IGSF21: variants seen among roughly 807,000 people sequenced by gnomAD.
IGSF21 encodes immunoglobulin superfamily member 21.
In IGSF21, 28 loss-of-function variants were observed where a neutral mutation model predicts 46.8. The observed-to-expected ratio is 0.60, with a 90% CI of 0.44 to 0.82. The LOEUF is 0.82. Among genes scored for constraint, IGSF21 ranks in the 40% least tolerant of loss-of-function variants. IGSF21 has a pLI of 0.00. For missense variants in IGSF21, 624 were observed against 665.5 expected, an observed-to-expected ratio of 0.94 and a Z score of 0.69; for synonymous variants, 284 against 273.6, an observed-to-expected ratio of 1.04 and a Z score of -0.38.
chr1:18,178,626 G>T (rs987744757), intron 1 of IGSF21, among the ~76,000 whole-genome samples: 41 of 152,192 alleles, frequency 2.7e-4, no homozygotes, highest in Non-Finnish European at 4.1e-4. Flanking sequence ...AGCATAGATT[G>T]TTCAGTTAAA....
chr1:18,192,090 C>G lies in IGSF21; in HGVS notation c.71-35808C>G, dbSNP rs138077780. On this transcript the variant is annotated intron_variant, in intron 1 of 9. Coordinates refer to ENST00000251296, the MANE Select transcript of IGSF21 (RefSeq NM_032880.5). The stretch of plus-strand genomic sequence containing the variant: ...CAGAAGAGCCCAGCCTTCCCCAGCA[C>G]TGGCTTTGGAGCCACGCAAGCCTGG... Among the ~76,000 whole-genome samples, 432 of 152,350 alleles carry G rather than the reference C, an allele frequency of 2.8e-3. 2 individuals carry two copies. Among genetic ancestry groups the G allele is most frequent in the African/African-American group, 9.7e-3 (404 of 41,594 alleles).
At chr1:18,273,466 T>C (rs59251114) in intron 2 of IGSF21, among the ~76,000 whole-genome samples, 304 of 12,340 alleles carry the variant, frequency 0.025, 2 homozygotes, top group East Asian at 0.09. Flanking sequence ...TTCTCTCTCT[T>C]TCTTTCTTTC....
intron 2 of IGSF21, among the ~76,000 whole-genome samples, chr1:18,264,418 A>G (rs999088915): frequency 6.6e-6 from 1 of 152,194 alleles, no homozygotes; most frequent in Admixed American, 6.5e-5. Flanking sequence ...ACATTTGAAT[A>G]CCATGATTCT....
intron 1 of IGSF21, among the ~76,000 whole-genome samples, chr1:18,131,646 A>ATCACAGTTCAC (rs1170554652): frequency 1.3e-5 from 2 of 152,252 alleles, no homozygotes; most frequent in African/African-American, 4.8e-5. Flanking sequence ...TTTAGCTCAC[A>ATCACAGTTCAC]TCACAGTTCA....
At chr1:18,255,572 G>A (rs1479644282) in intron 2 of IGSF21, among the ~76,000 whole-genome samples, 1 of 151,848 alleles carries the variant, frequency 6.6e-6, no homozygotes, top group Non-Finnish European at 1.5e-5. Context: ...CTTTGGCTCT[G>A]TTCATCTCTG....
chr1:18,129,526 T>A (rs2086300304), intron 1 of IGSF21, among the ~76,000 whole-genome samples: 1 of 152,186 alleles, frequency 6.6e-6, no homozygotes, highest in South Asian at 2.1e-4. Context: ...TCTGAGGTTA[T>A]TGGCCTGGCC....
intron 1 of IGSF21, among the ~76,000 whole-genome samples, chr1:18,134,649 C>T (rs1486223263): frequency 3.9e-5 from 6 of 152,156 alleles, no homozygotes; most frequent in Admixed American, 2.0e-4. Context: ...TCAGTGCCCA[C>T]CCCCCTCTTC....
intron 2 of IGSF21, among the ~76,000 whole-genome samples, chr1:18,230,980 G>T (rs748878723): frequency 6.6e-6 from 1 of 151,482 alleles, no homozygotes; most frequent in South Asian, 2.1e-4. Context: ...TTTTCTGTAC[G>T]TGTGTTTGCT....
chr1:18,158,798 T>C (rs979547710), intron 1 of IGSF21, among the ~76,000 whole-genome samples: 1 of 152,150 alleles, frequency 6.6e-6, no homozygotes, highest in Non-Finnish European at 1.5e-5. Context: ...GTGATAGGCA[T>C]TGAGAAATCA....
intron 1 of IGSF21, among the ~76,000 whole-genome samples, chr1:18,177,392 G>GAAGGA (rs1553151722): frequency 8.0e-6 from 1 of 125,018 alleles, no homozygotes; most frequent in Non-Finnish European, 1.7e-5. Context: ...GGGTCAGTGA[G>GAAGGA]GTGTGTGTGT....
intron 2 of IGSF21, among the ~76,000 whole-genome samples, chr1:18,239,810 T>G (rs540918967): frequency 7.2e-5 from 11 of 152,042 alleles, no homozygotes; most frequent in Admixed American, 5.9e-4. Flanking sequence ...TTCAATCTTC[T>G]TCCACATTCA....
chr1:18,236,276 T>C (rs891562106), intron 2 of IGSF21, among the ~76,000 whole-genome samples: 1 of 151,978 alleles, frequency 6.6e-6, no homozygotes, highest in Non-Finnish European at 1.5e-5. Flanking sequence ...TAAATGGGAG[T>C]TCCCCTGCAC....
chr1:18,265,485 G>A (rs747510412), intron 2 of IGSF21, among the ~76,000 whole-genome samples: 3 of 152,130 alleles, frequency 2.0e-5, no homozygotes, highest in African/African-American at 7.2e-5. Flanking sequence ...TTCATGCAGC[G>A]GCCTCCTCAC....
chr1:18,184,748 C>A (rs1467651212), intron 1 of IGSF21, among the ~76,000 whole-genome samples: 1 of 152,180 alleles, frequency 6.6e-6, no homozygotes, highest in African/African-American at 2.4e-5. Flanking sequence ...CCTCCCCCAG[C>A]TCCTCTTGTG....
intron 4 of IGSF21, among the ~76,000 whole-genome samples, chr1:18,352,775 A>C (rs1307331437): frequency 6.6e-5 from 10 of 152,088 alleles, no homozygotes; most frequent in Non-Finnish European, 1.0e-4. Context: ...ATCTTCTACC[A>C]CTGCGAAAGC....
intron 1 of IGSF21, among the ~76,000 whole-genome samples, chr1:18,225,342 C>T (rs956963925): frequency 3.3e-5 from 5 of 152,010 alleles, no homozygotes; most frequent in African/African-American, 1.2e-4. Flanking sequence ...GCTGCGCCTG[C>T]CAGTGCTCCT....
At chr1:18,263,522 C>T (rs527808052) in intron 2 of IGSF21, among the ~76,000 whole-genome samples, 13 of 152,100 alleles carry the variant, frequency 8.5e-5, no homozygotes, top group Admixed American at 4.6e-4. Flanking sequence ...TTTTTATTTG[C>T]GATGTGAATC....
At chr1:18,194,430 T>C (rs2086987944) in intron 1 of IGSF21, among the ~76,000 whole-genome samples, 1 of 152,250 alleles carries the variant, frequency 6.6e-6, no homozygotes, top group East Asian at 1.9e-4. Context: ...AAATCTGAGA[T>C]CAAGGTGTCG....
chr1:18,293,477 C>G (rs971215939), intron 3 of IGSF21, among the ~76,000 whole-genome samples: 4 of 152,112 alleles, frequency 2.6e-5, no homozygotes, highest in Admixed American at 1.3e-4. Flanking sequence ...GTGCCAGGAC[C>G]ATGCTGAGAA....
Sources: gnomAD v4.1 joint callset for allele counts (sites outside exome capture counted in the v4.1 genomes callset) on GRCh38, gnomAD v4.1.1 for gene constraint, MANE v1.5 for transcripts, NCBI Gene and HGNC (gene_info 2026-07-23, HGNC 2026-07-21) for gene names.